The following ZMYND11 variants were observed in gnomAD, a reference collection of about 807,000 sequenced individuals.
ZMYND11 encodes the protein zinc finger MYND domain-containing protein 11.
Under a neutral mutation model 84.9 loss-of-function variants are expected in ZMYND11, and 9 were observed. That is an observed-to-expected ratio of 0.11 (90% CI 0.06 to 0.18). The LOEUF (loss-of-function observed/expected upper bound fraction) is 0.18, where lower values mean the gene tolerates loss of function less well. ZMYND11 is among the 10% of genes least tolerant of loss of function. ZMYND11 has a pLI of 1.00. For missense variants in ZMYND11, 409 were observed against 761.0 expected, an observed-to-expected ratio of 0.54 and a Z score of 5.44; for synonymous variants, 250 against 244.1, an observed-to-expected ratio of 1.02 and a Z score of -0.23.
chr10:133,706 G>A (rs1554750589), upstream of ZMYND11, among the ~76,000 whole-genome samples: 1 of 152,144 alleles, frequency 6.6e-6, no homozygotes, highest in African/African-American at 2.4e-5. Context: ...TTCATTGTTG[G>A]AATTCCTGGC....
At chr10:213,396 T>C (rs1433230472) in intron 3 of ZMYND11, among the ~76,000 whole-genome samples, 1 of 152,180 alleles carries the variant, frequency 6.6e-6, no homozygotes, top group African/African-American at 2.4e-5. Context: ...ATCACTTTGA[T>C]GTCTCTAAAA....
intron 2 of ZMYND11, among the ~76,000 whole-genome samples, chr10:196,774 GATTA>G (rs1215411397): frequency 1.3e-5 from 2 of 152,290 alleles, no homozygotes; most frequent in African/African-American, 2.4e-5. Context: ...GTAAGACATT[GATTA>G]ATTCATGTTT....
intron 1 of ZMYND11, among the ~76,000 whole-genome samples, chr10:143,857 G>A (rs1554754536): frequency 1.3e-5 from 2 of 152,164 alleles, no homozygotes; most frequent in East Asian, 3.9e-4. Flanking sequence ...TGCCATTTGA[G>A]GCAGGGTCAG....
intron 4 of ZMYND11, among the ~76,000 whole-genome samples, chr10:230,815 G>A (rs1387094054): frequency 6.6e-6 from 1 of 152,114 alleles, no homozygotes; most frequent in Non-Finnish European, 1.5e-5. Context: ...TCTCTAGTAG[G>A]CAATGAAGCC....
chr10:163,605 T>G (rs1005502750), intron 1 of ZMYND11, among the ~76,000 whole-genome samples: 1 of 152,172 alleles, frequency 6.6e-6, no homozygotes, highest in Non-Finnish European at 1.5e-5. Flanking sequence ...TCTAACTCTT[T>G]CATATTAATT....
intron 2 of ZMYND11, among the ~76,000 whole-genome samples, chr10:204,295 C>G (rs527627829): frequency 6.6e-6 from 1 of 152,150 alleles, no homozygotes; most frequent in Admixed American, 6.5e-5. Context: ...ATTTGTTCAT[C>G]TTTTTTCTTT....
At position 241,594 on chromosome 10, in the gene ZMYND11, C is replaced by T. The variant is rs112711098; in HGVS notation, c.832-427C>T. ...TCCCCAAAATAATACAGCTTCAAACCGTGCACTGACAAAGGGAATTCTGAG... is the reference window on the plus strand; with the variant it reads ...TCCCCAAAATAATACAGCTTCAAACTGTGCACTGACAAAGGGAATTCTGAG... On this transcript the variant is annotated intron_variant, in intron 9 of 14. Transcript: ENST00000381604. Among the ~76,000 whole-genome samples, 198 of 152,346 alleles carry T rather than the reference C, an allele frequency of 1.3e-3. 1 individual carries two copies. The highest frequency in any genetic ancestry group is 4.6e-3 in the African/African-American group (191 of 41,572).
chr10:175,834 G>A (rs1846485747), intron 1 of ZMYND11, among the ~76,000 whole-genome samples: 1 of 152,110 alleles, frequency 6.6e-6, no homozygotes, highest in South Asian at 2.1e-4. Context: ...TTGGGGAAAA[G>A]TAATAATATT....
chr10:144,501 T>C (rs1554754721), intron 1 of ZMYND11, among the ~76,000 whole-genome samples: 1 of 152,060 alleles, frequency 6.6e-6, no homozygotes, highest in Admixed American at 6.6e-5. Flanking sequence ...GGATTACAGA[T>C]GTGAGCCACC....
chr10:248,148 G>A (rs1184128607), intron 12 of ZMYND11, among the ~76,000 whole-genome samples, 188 bp from the exon 13 acceptor site: 1 of 152,038 alleles, frequency 6.6e-6, no homozygotes, highest in Admixed American at 6.5e-5. Context: ...ACTAATTGGG[G>A]GAGATTTGTT....
intron 2 of ZMYND11, among the ~76,000 whole-genome samples, chr10:209,379 A>G (rs77756617): frequency 0.013 from 1,973 of 152,320 alleles, 23 homozygotes; most frequent in Non-Finnish European, 0.018. Flanking sequence ...ACATGCGTCC[A>G]TGCTTTCCTT....
rs957464557 is a variant in ZMYND11 at position 253,423 on chromosome 10, G to A, written c.*953G>A. On this transcript the variant is annotated 3_prime_UTR_variant, in exon 15 of 15. Transcript: ENST00000381604. ...AAAGCACTTAAGTTTCACAGAAGCCGTTATGTTTGTAGTAATGGGTCATTG... is the reference window on the plus strand; with the variant it reads ...AAAGCACTTAAGTTTCACAGAAGCCATTATGTTTGTAGTAATGGGTCATTG... 2.0e-5 allele frequency: 3 copies of A among 152,570 alleles called. No homozygotes were observed. The highest frequency in any genetic ancestry group is 4.8e-5 in the African/African-American group (2 of 41,426). The allele number at this position is 152,570 out of a possible 1,614,324, so 9.5% of individuals were successfully genotyped here. A position where few individuals can be genotyped will look rare whatever the true frequency, so the allele number is the denominator to read the frequency against.
At chr10:210,988 A>G (rs1320192304) in intron 3 of ZMYND11, among the ~76,000 whole-genome samples, 1 of 151,460 alleles carries the variant, frequency 6.6e-6, no homozygotes, top group Non-Finnish European at 1.5e-5. Context: ...CATAGCCCCC[A>G]TCTCTACAAA....
At chr10:190,181 T>C (rs1939959040) in intron 2 of ZMYND11, among the ~76,000 whole-genome samples, 1 of 152,248 alleles carries the variant, frequency 6.6e-6, no homozygotes, top group Admixed American at 6.5e-5. Flanking sequence ...TTCTCTGTTC[T>C]GGCCTGGGTT....
chr10:251,245 G>A (rs1448096762), intron 14 of ZMYND11, among the ~76,000 whole-genome samples: 2 of 152,158 alleles, frequency 1.3e-5, no homozygotes, highest in Non-Finnish European at 2.9e-5. Context: ...TGTAAAGTCT[G>A]AAAGATGAGG....
At chr10:211,406 ATCTTATAATTGGT>A (rs756338499) in intron 3 of ZMYND11, among the ~76,000 whole-genome samples, 80 of 152,208 alleles carry the variant, frequency 5.3e-4, no homozygotes, top group African/African-American at 1.7e-3. Flanking sequence ...ATGACATAGA[ATCTTATAATTGGT>A]TCTTTGTGGA....
At chr10:165,543 T>TA (rs1843803163) in intron 1 of ZMYND11, among the ~76,000 whole-genome samples, 1 of 152,072 alleles carries the variant, frequency 6.6e-6, no homozygotes, top group Non-Finnish European at 1.5e-5. Flanking sequence ...AGCACACAGA[T>TA]ACATATACCA....
intron 1 of ZMYND11, among the ~76,000 whole-genome samples, chr10:164,844 A>T (rs141198408): frequency 2.8e-4 from 42 of 152,264 alleles, no homozygotes; most frequent in South Asian, 8.3e-4. Flanking sequence ...AGGGTTTGTA[A>T]ATACAGAGGT....
chr10:199,227 C>G (rs1034970854), intron 2 of ZMYND11, among the ~76,000 whole-genome samples: 1 of 151,406 alleles, frequency 6.6e-6, no homozygotes, highest in Non-Finnish European at 1.5e-5. Flanking sequence ...TAGCAGAACT[C>G]TCTCTCTCTC....
Sources: gnomAD v4.1 joint callset for allele counts (sites outside exome capture counted in the v4.1 genomes callset) on GRCh38, gnomAD v4.1.1 for gene constraint, MANE v1.5 for transcripts, NCBI Gene and HGNC (gene_info 2026-07-23, HGNC 2026-07-21) for gene names.